The following DUOX2 variants were observed in gnomAD, a reference collection of about 807,000 sequenced individuals.
DUOX2 encodes the protein dual oxidase 2.
Under a neutral mutation model 183.3 loss-of-function variants are expected in DUOX2, and 185 were observed. The ratio of observed to expected loss-of-function variants is 1.01; its 90% CI spans 0.90 to 1.14. The LOEUF (loss-of-function observed/expected upper bound fraction) is 1.14, where lower values mean the gene tolerates loss of function less well. DUOX2 is among the 50% of genes most tolerant of loss of function. DUOX2 has a pLI of 0.00. For synonymous variants in DUOX2, 788 were observed against 812.4 expected, an observed-to-expected ratio of 0.97 and a Z score of 0.51; for missense variants, 1,999 against 2,022.9, an observed-to-expected ratio of 0.99 and a Z score of 0.23.
intron 29 of DUOX2, among the ~76,000 whole-genome samples, chr15:45,096,693 C>T (rs571226914): frequency 6.6e-6 from 1 of 152,234 alleles, no homozygotes; most frequent in East Asian, 1.9e-4. Context: ...GAGATTTTGT[C>T]CTTAAGTAAT....
Position 45,113,817 on chromosome 15 carries a change from G to A in DUOX2, c.-15+156C>T, listed in dbSNP as rs1044776935. 4.6e-5 allele frequency among the ~76,000 whole-genome samples: 7 copies of A among 152,294 alleles called. No homozygotes were observed. In the South Asian group the frequency reaches 6.2e-4, roughly 14 times the overall value. On this transcript the variant is annotated intron_variant, in intron 1 of 33. Transcript: ENST00000389039. The stretch of plus-strand genomic sequence containing the variant: ...CCGTCAGGCTCCGCTTCTCCTCCAG[G>A]AGGCAGGGAAGGGAAAAAGGTTACT...
Position 45,111,247 on chromosome 15 carries a change from G to T in DUOX2, c.746C>A (p.Pro249His). The change falls in exon 7 of 34, where the codon CCC becomes CAC. Residue 249 changes from proline to histidine, a missense_variant. Physicochemically the swap from Pro to His is moderately conservative, Grantham distance 77. This residue lies in a region of DUOX2 where 356 missense variants were observed against 356.4 expected (regional missense o/e 1.00). Coordinates refer to ENST00000389039, the MANE Select transcript of DUOX2 (RefSeq NM_001363711.2). ...AFGAERGNRE[P>H]FLQALGLLWF... The stretch of plus-strand genomic sequence containing the variant: ...GAGCAGGCCCAGCGCCTGCAGGAAG[G>T]GTTCCCGGTTCCCTCTCTCTGCCCC... 1 of 1,347,500 alleles carries T rather than the reference G, an allele frequency of 7.4e-7. No homozygotes were observed. 83.5% of individuals were successfully genotyped at this position (1,347,500 alleles called of 1,614,324 possible).
chr15:45,105,718 C>T lies in DUOX2; in HGVS notation c.2259G>A (p.Glu753=), dbSNP rs1595524524. 6.2e-7 allele frequency: 1 copy of T among 1,614,240 alleles called. No individual in the cohort carries two copies. Among genetic ancestry groups the T allele is most frequent in the Non-Finnish European group, 8.5e-7 (1 of 1,180,046 alleles). Residue 753 remains glutamate, a synonymous_variant, in exon 18 of 34, where the codon GAG becomes GAA. Coordinates refer to ENST00000389039, the MANE Select transcript of DUOX2 (RefSeq NM_001363711.2). ...GCTTTGTCACAGCCTTCCTAAATAG[C>T]TCCTTCTCGCTCATCTCAGCCACAT... ...GLHVAEMSEK[E]LFRKAVTKQQ...
At position 45,106,658 on chromosome 15, in the gene DUOX2, G is replaced by A; in HGVS notation, c.1832-17C>T. 6.2e-7 allele frequency: 1 copy of A among 1,613,724 alleles called. No homozygotes were observed. On this transcript the variant is annotated splice_polypyrimidine_tract_variant and intron_variant, in intron 15 of 33. Coordinates refer to ENST00000389039, the MANE Select transcript of DUOX2 (RefSeq NM_001363711.2). ...GCAGACTCACTGAAGTGGATCAGAA[G>A]GAACAGTGAGGAGGGAGCCCCTCAC...
Position 45,107,412 on chromosome 15 carries a change from G to A in DUOX2, c.1626C>T (p.Asp542=), listed in dbSNP as rs371783274. The A allele has an allele frequency of 4.2e-5, 68 of 1,614,104 alleles. No individual in the cohort carries two copies. In the South Asian group the frequency reaches 4.4e-4, roughly 10 times the overall value. ...CAATGTTGATAACAGCGACCAGCAC[G>A]TCCCGCAGGGTGGTATTTCGGATGT... is the stretch of plus-strand genomic sequence containing the variant. ...IEDIRNTTLR[D]VLVAVINIDP... is the part of the protein sequence containing the mutation. Residue 542 remains aspartate (D), a synonymous_variant, in exon 14 of 34, where the codon GAC becomes GAT. Transcript: ENST00000389039.
Position 45,099,708 on chromosome 15 carries a change from T to C in DUOX2, c.3369A>G (p.Ala1123=), listed in dbSNP as rs779150021. ...FLNRYVPFDA[A]VDFHRWIAMA... ...TGGCGATCCAGCGGTGGAAGTCCAC[T>C]GCGGCATCAAAAGGCACATAGCGGT... The change falls in exon 25 of 34, where the codon GCA becomes GCG. Residue 1123 remains alanine, a synonymous_variant. Coordinates refer to ENST00000389039, the MANE Select transcript of DUOX2 (RefSeq NM_001363711.2). 33 of 1,614,048 alleles carry C rather than the reference T, an allele frequency of 2.0e-5. No homozygotes were observed. The highest frequency in any genetic ancestry group is 2.0e-4 in the East Asian group (9 of 44,886).
intron 18 of DUOX2, among the ~76,000 whole-genome samples, chr15:45,105,218 C>A: frequency 6.6e-6 from 1 of 152,238 alleles, no homozygotes; most frequent in East Asian, 1.9e-4. Context: ...GTATCTGAAT[C>A]ATCTGGGGAG....
In DUOX2 at chr15:45,103,949, A is replaced by T; in HGVS notation, c.2654+11T>A. On this transcript the variant is annotated intron_variant, in intron 20 of 33. Transcript: ENST00000389039. ...CAGGAAGTCTCAGGATTAGAAAGGC[A>T]CACCCCATACCGCATCATGGTGAAG... 1 of 1,614,016 alleles carries T rather than the reference A, an allele frequency of 6.2e-7. No individual in the cohort carries two copies. The highest frequency in any genetic ancestry group is 8.5e-7 in the Non-Finnish European group (1 of 1,179,940).
chr15:45,094,105 G>C lies in DUOX2; in HGVS notation c.*45C>G, dbSNP rs999592103. On this transcript the variant is annotated 3_prime_UTR_variant, in exon 34 of 34. Coordinates refer to ENST00000389039, the MANE Select transcript of DUOX2 (RefSeq NM_001363711.2). ...CAGGGCTGGGCAACTTAGGTGCACA[G>C]AAGAGAAGGCAGGATACTGGAAGCA... 3.7e-6 allele frequency: 6 copies of C among 1,614,078 alleles called. No individual in the cohort carries two copies. The highest frequency in any genetic ancestry group is 3.4e-6 in the Non-Finnish European group (4 of 1,179,978).
chr15:45,097,883 A>T (rs1893948181), intron 27 of DUOX2, 126 bp downstream of exon 27: 7 of 1,547,750 alleles, frequency 4.5e-6, no homozygotes, highest in Non-Finnish European at 6.2e-6. Flanking sequence ...GAGGGATTTG[A>T]GCTGGGGCTT....
chr15:45,109,160 T>C, intron 11 of DUOX2: 1 of 670,840 alleles, frequency 1.5e-6, no homozygotes, highest in East Asian at 2.7e-5. Context: ...GTAAGACCCT[T>C]CCTCTAAGAC....
Position 45,095,822 on chromosome 15 carries a change from G to C in DUOX2, c.4080+6C>G. ...GCCCGGAAGCAGGGTTCCCAGTGAC[G>C]GGCACCTTTGGGTATCCAGCACAGC... On this transcript the variant is annotated splice_donor_region_variant and intron_variant, in intron 30 of 33. Transcript: ENST00000389039. The C allele has an allele frequency of 6.2e-7, 1 of 1,612,406 alleles. No homozygotes were observed. Among genetic ancestry groups the C allele is most frequent in the Non-Finnish European group, 8.5e-7 (1 of 1,178,676 alleles).
At chr15:45,103,831 T>TGTA (rs1201631795) in intron 20 of DUOX2, 129 bp downstream of exon 20, 1 of 906,554 alleles carries the variant, frequency 1.1e-6, no homozygotes, top group African/African-American at 1.6e-5. Flanking sequence ...GAGTTTAGGA[T>TGTA]GTAGTGTTTA....
In DUOX2 at chr15:45,095,868, T is replaced by C. The variant is rs762340753; in HGVS notation, c.4040A>G (p.Tyr1347Cys). ...GPWTTRLREI[Y>C]SSPKGNGCAG... ...ACAGCCATTGCCCTTTGGGGATGAGTAGATCTCCCTGAGGCGAGTGGTCCA... is the reference window on the plus strand; with the variant it reads ...ACAGCCATTGCCCTTTGGGGATGAGCAGATCTCCCTGAGGCGAGTGGTCCA... The change falls in exon 30 of 34, where the codon TAC becomes TGC. Residue 1347 changes from tyrosine to cysteine, a missense_variant. Physicochemically the swap from Tyr to Cys is radical, Grantham distance 194. Transcript: ENST00000389039. 3.1e-6 allele frequency: 5 copies of C among 1,613,572 alleles called. No homozygotes were observed. In the East Asian group the frequency reaches 1.1e-4, roughly 36 times the overall value.
At position 45,101,880 on chromosome 15, in the gene DUOX2, C is replaced by T; in HGVS notation, c.2764G>A (p.Glu922Lys). 1 of 1,614,238 alleles carries T rather than the reference C, an allele frequency of 6.2e-7. No homozygotes were observed. The highest frequency in any genetic ancestry group is 8.5e-7 in the Non-Finnish European group (1 of 1,180,052). ...GFQDKEELTW[E>K]DFHFMLRDHD... ...TCCCGCAGCATGAAGTGAAAATCCT[C>T]CCATGTCAGCTCCTCCTTGTCCTGG... The change falls in exon 21 of 34, where the codon GAG (glutamate) becomes AAG (lysine). Residue 922 changes from glutamate to lysine, a missense_variant. This residue lies in a region of DUOX2 where 1,628 missense variants were observed against 1,608.6 expected (regional missense o/e 1.01). Coordinates refer to ENST00000389039, the MANE Select transcript of DUOX2 (RefSeq NM_001363711.2).
intron 32 of DUOX2, 80 bp downstream of exon 32, chr15:45,094,856 C>T (rs916342924): frequency 4.6e-5 from 73 of 1,602,160 alleles, no homozygotes; most frequent in South Asian, 7.7e-5. Context: ...GGCCGTCCAC[C>T]CACCTGCCCT....
At chr15:45,104,457 C>A in intron 18 of DUOX2, 92 bp from the exon 19 acceptor site, 1 of 1,513,500 alleles carries the variant, frequency 6.6e-7, no homozygotes, top group Non-Finnish European at 9.0e-7. Flanking sequence ...TCCCCAAAGT[C>A]CAAATCAGAA....
In DUOX2 at chr15:45,097,325, C is replaced by T. The variant is rs528104610; in HGVS notation, c.3760G>A (p.Ala1254Thr). 1 of 1,614,264 alleles carries T rather than the reference C, an allele frequency of 6.2e-7. No homozygotes were observed. The highest frequency in any genetic ancestry group is 2.2e-5 in the East Asian group (1 of 44,888). Residue 1254 changes from alanine to threonine, a missense_variant, in exon 29 of 34, where the codon GCA becomes ACA. Coordinates refer to ENST00000389039, the MANE Select transcript of DUOX2 (RefSeq NM_001363711.2). ...PTFHIYFLVP[A>T]IIYGGDKLVS... ...AGCTTGTCACCTCCATAGATGATTG[C>T]CGGGACCAGGAAGTAGATGTGGAAA...
At chr15:45,109,018 G>C in intron 11 of DUOX2, 66 bp from the exon 12 acceptor site, 1 of 1,590,002 alleles carries the variant, frequency 6.3e-7, no homozygotes, top group Non-Finnish European at 8.6e-7. Context: ...CTGCAGCCTT[G>C]TATCTGACTA....
Sources: gnomAD v4.1 joint callset for allele counts (sites outside exome capture counted in the v4.1 genomes callset) on GRCh38, gnomAD v4.1.1 for gene constraint, gnomAD v4.1.1 regional missense constraint, MANE v1.5 for transcripts, NCBI Gene and HGNC (gene_info 2026-07-23, HGNC 2026-07-21) for gene names.